The following ZBBX variants were observed in gnomAD, a reference collection of about 807,000 sequenced individuals.
The protein encoded by ZBBX is zinc finger B-box domain containing.
In ZBBX, 101 loss-of-function variants were observed where a neutral mutation model predicts 108.5. That is an observed-to-expected ratio of 0.93 (90% CI 0.79 to 1.10). ZBBX has a LOEUF of 1.10. ZBBX is among the 50% of genes least tolerant of loss of function. ZBBX has a pLI of 0.00. For missense variants in ZBBX, 1,009 were observed against 941.4 expected, an observed-to-expected ratio of 1.07 and a Z score of -0.94; for synonymous variants, 356 against 323.4, an observed-to-expected ratio of 1.10 and a Z score of -1.08.
intron 20 of ZBBX, among the ~76,000 whole-genome samples, chr3:167,279,554 C>A (rs1576871706): frequency 6.7e-6 from 1 of 149,906 alleles, no homozygotes; most frequent in South Asian, 2.1e-4. Flanking sequence ...TGTGAAGGAC[C>A]TCTTCAAGGA....
intron 20 of ZBBX, among the ~76,000 whole-genome samples, chr3:167,268,167 T>A (rs1370867436): frequency 6.6e-6 from 1 of 152,098 alleles, no homozygotes; most frequent in African/African-American, 2.4e-5. Context: ...ATTGGCTTTG[T>A]AAGTGCTCCC....
chr3:167,181,092 G>C, the ZBBX span, among the ~76,000 whole-genome samples: 1 of 152,106 alleles, frequency 6.6e-6, no homozygotes, highest in Non-Finnish European at 1.5e-5. Flanking sequence ...CATTTTAAAG[G>C]TATAGGTTCT....
chr3:167,181,970 G>A, the ZBBX span, among the ~76,000 whole-genome samples: 2,025 of 152,242 alleles, frequency 0.013, 22 homozygotes, highest in South Asian at 0.026. Context: ...GGCCTGGGAC[G>A]GGCCCCTCAT....
intron 20 of ZBBX, among the ~76,000 whole-genome samples, chr3:167,261,243 G>A (rs1282902116): frequency 1.3e-5 from 2 of 152,146 alleles, no homozygotes; most frequent in Non-Finnish European, 2.9e-5. Flanking sequence ...GCGGAGGGGT[G>A]CAATGGACTC....
Position 167,313,872 on chromosome 3 carries a change from T to A in ZBBX, c.1417+102A>T, listed in dbSNP as rs184043170. 1.8e-4 allele frequency: 206 copies of A among 1,120,004 alleles called. 2 individuals are homozygous for A. In the East Asian group the frequency reaches 5.5e-3, roughly 30 times the overall value. The allele number at this position is 1,120,004 out of a possible 1,614,324, so 69.4% of individuals were successfully genotyped here. ...AATTTTCATTTTAGTACTGAGGTTT[T>A]TTTGGTTTTAAAATGAACAGCATAA... On this transcript the variant is annotated intron_variant, in intron 16 of 21. Coordinates refer to ENST00000675490, the MANE Select transcript of ZBBX (RefSeq NM_001199201.2).
At chr3:167,280,778 C>T (rs1728658065) in intron 20 of ZBBX, among the ~76,000 whole-genome samples, 1 of 152,014 alleles carries the variant, frequency 6.6e-6, no homozygotes, top group Non-Finnish European at 1.5e-5. Flanking sequence ...GACTATAAAT[C>T]ATGCTGCTAT....
intron 11 of ZBBX, among the ~76,000 whole-genome samples, chr3:167,324,876 C>G (rs1737081917): frequency 6.6e-6 from 1 of 152,110 alleles, no homozygotes; most frequent in Non-Finnish European, 1.5e-5. Context: ...TTCCAAAATT[C>G]CTATCTCCCA....
At chr3:167,354,901 T>C (rs1374981067) in intron 8 of ZBBX, among the ~76,000 whole-genome samples, 1 of 151,976 alleles carries the variant, frequency 6.6e-6, no homozygotes, top group Non-Finnish European at 1.5e-5. Flanking sequence ...AGAGTAAGCT[T>C]ATATATTTTG....
At chr3:167,256,552 G>A (rs868082109) in intron 20 of ZBBX, among the ~76,000 whole-genome samples, 2 of 148,630 alleles carry the variant, frequency 1.3e-5, no homozygotes. Context: ...CAGGTCTTAT[G>A]TATTATTTCT....
intron 20 of ZBBX, among the ~76,000 whole-genome samples, chr3:167,278,664 C>A (rs1255797050): frequency 6.6e-6 from 1 of 151,424 alleles, no homozygotes; most frequent in African/African-American, 2.4e-5. Flanking sequence ...CGAATTCTAC[C>A]AGAGGTACAA....
intron 1 of ZBBX, among the ~76,000 whole-genome samples, chr3:167,398,323 G>C (rs1339478471): frequency 6.6e-6 from 1 of 152,010 alleles, no homozygotes; most frequent in East Asian, 1.9e-4. Context: ...ATCTTGAAGT[G>C]TCAGATATAG....
At chr3:167,372,314 C>T (rs892170835) in intron 4 of ZBBX, among the ~76,000 whole-genome samples, 10 of 152,132 alleles carry the variant, frequency 6.6e-5, no homozygotes, top group African/African-American at 2.4e-4. Flanking sequence ...CAAAGACAAA[C>T]AGGGAGCTAT....
chr3:167,385,276 C>G (rs1490391735), upstream of ZBBX, among the ~76,000 whole-genome samples: 3 of 151,898 alleles, frequency 2.0e-5, no homozygotes, highest in East Asian at 5.8e-4. Context: ...ATACACAACT[C>G]TAACACAATG....
intron 20 of ZBBX, among the ~76,000 whole-genome samples, chr3:167,264,245 T>A (rs1725092589): frequency 6.6e-6 from 1 of 152,190 alleles, no homozygotes; most frequent in Non-Finnish European, 1.5e-5. Context: ...GCCATTTCAT[T>A]ATTTGTTTTC....
At chr3:167,374,726 C>G (rs1326752078) in intron 2 of ZBBX, among the ~76,000 whole-genome samples, 2 of 151,664 alleles carry the variant, frequency 1.3e-5, no homozygotes, top group Non-Finnish European at 2.9e-5. Context: ...ATATAAAAGC[C>G]ATAAAACAAG....
chr3:167,353,046 C>A (rs1314467016), intron 8 of ZBBX, among the ~76,000 whole-genome samples: 1 of 152,076 alleles, frequency 6.6e-6, no homozygotes, highest in Non-Finnish European at 1.5e-5. Context: ...TAAAACGTTG[C>A]CCCTAACAAC....
At chr3:167,252,240 G>C in intron 20 of ZBBX, 1 of 1,229,416 alleles carries the variant, frequency 8.1e-7, no homozygotes, top group Non-Finnish European at 1.1e-6. Flanking sequence ...AAGTCAGAGA[G>C]GTTGCTGTAC....
At chr3:167,397,467 G>A (rs995028056) in intron 1 of ZBBX, among the ~76,000 whole-genome samples, 1 of 151,580 alleles carries the variant, frequency 6.6e-6, no homozygotes, top group African/African-American at 2.4e-5. Context: ...TTATCAGAAT[G>A]GATTATTCCC....
chr3:167,181,230 C>T, the ZBBX span, among the ~76,000 whole-genome samples: 1 of 152,132 alleles, frequency 6.6e-6, no homozygotes, highest in Non-Finnish European at 1.5e-5. Context: ...GGACATACCC[C>T]ATTTCATCAA....
Sources: gnomAD v4.1 joint callset for allele counts (sites outside exome capture counted in the v4.1 genomes callset) on GRCh38, gnomAD v4.1.1 for gene constraint, MANE v1.5 for transcripts, NCBI Gene and HGNC (gene_info 2026-07-23, HGNC 2026-07-21) for gene names.